SPNS3: variants seen among roughly 807,000 people sequenced by gnomAD.
SPNS3 encodes the protein SPNS lysolipid transporter 3, sphingosine-1-phosphate (putative).
In SPNS3, 51 loss-of-function variants were observed where a neutral mutation model predicts 54.4. The observed-to-expected ratio is 0.94, with a 90% CI of 0.75 to 1.18. The LOEUF is 1.18. Among genes scored for constraint, SPNS3 ranks in the 50% most tolerant of loss-of-function variants. The pLI, the probability that SPNS3 is intolerant of heterozygous loss-of-function variation, is 0.00. For missense variants in SPNS3, 669 were observed against 677.4 expected (o/e 0.99, Z 0.14); for synonymous variants, 309 against 294.7 (o/e 1.05, Z -0.50).
chr17:4,487,275 C>T (rs985489558), intron 11 of SPNS3, among the ~76,000 whole-genome samples: 1 of 151,926 alleles, frequency 6.6e-6, no homozygotes, highest in Non-Finnish European at 1.5e-5. Flanking sequence ...GGGAGTGAGC[C>T]GTTCAGCGAC....
chr17:4,487,959 G>A lies in SPNS3; in HGVS notation c.*65G>A. 1 of 1,452,504 alleles carries A rather than the reference G, an allele frequency of 6.9e-7. No homozygotes were observed. Among genetic ancestry groups the A allele is most frequent in the South Asian group, 1.2e-5 (1 of 86,700 alleles). 90.0% of individuals were successfully genotyped at this position (1,452,504 alleles called of 1,614,324 possible). On this transcript the variant is annotated 3_prime_UTR_variant, in exon 12 of 12. Coordinates refer to ENST00000355530, the MANE Select transcript of SPNS3 (RefSeq NM_182538.5). ...TGGTCCCCACAGCAGCAGTGCCTCG[G>A]TTCCTCTTTGGCTGTCCTCGGGGAC...
chr17:4,478,500 A>G, intron 8 of SPNS3, 72 bp from the exon 9 acceptor site: 1 of 1,379,912 alleles, frequency 7.2e-7, no homozygotes, highest in African/African-American at 1.4e-5. Context: ...TCCTCTCCAC[A>G]GGTGGGAAGC....
chr17:4,469,926 T>C (rs761862704), intron 8 of SPNS3, among the ~76,000 whole-genome samples: 1 of 152,144 alleles, frequency 6.6e-6, no homozygotes, highest in Non-Finnish European at 1.5e-5. Context: ...GAGAAGAAAA[T>C]AACCGTTATT....
intron 8 of SPNS3, among the ~76,000 whole-genome samples, chr17:4,473,133 G>T (rs1432818251): frequency 6.6e-6 from 1 of 151,258 alleles, no homozygotes; most frequent in Non-Finnish European, 1.5e-5. Context: ...TCTTTTCTTT[G>T]GTTAAAAAAT....
At chr17:4,487,629 G>T (rs1219893091) in intron 11 of SPNS3, among the ~76,000 whole-genome samples, 177 bp from the exon 12 acceptor site, 1 of 152,272 alleles carries the variant, frequency 6.6e-6, no homozygotes, top group Non-Finnish European at 1.5e-5. Flanking sequence ...CCTTCCAGGG[G>T]AGAGTGGTGC....
intron 2 of SPNS3, among the ~76,000 whole-genome samples, chr17:4,441,150 G>A (rs190726411): frequency 1.4e-4 from 21 of 152,310 alleles, no homozygotes; most frequent in Admixed American, 7.8e-4. Context: ...CCTTGGCAAC[G>A]ATTCAAACTT....
rs561336908 is a variant in SPNS3 at position 4,446,592 on chromosome 17, T to A, written c.555-304T>A. 23 of 530,178 alleles carry A rather than the reference T, an allele frequency of 4.3e-5. No homozygotes were observed. In the South Asian group the frequency reaches 5.3e-4, roughly 12 times the overall value. 32.8% of individuals were successfully genotyped at this position (530,178 alleles called of 1,614,324 possible). ...TCAGGACCCTGGCCTCTGACCCAGG[T>A]TTCCTGAACTTGCCTGACTCAAGCA... On this transcript the variant is annotated intron_variant, in intron 4 of 11. Transcript: ENST00000355530.
intron 5 of SPNS3, among the ~76,000 whole-genome samples, chr17:4,447,889 CTG>C (rs1240730882): frequency 1.3e-5 from 2 of 152,158 alleles, no homozygotes; most frequent in African/African-American, 4.8e-5. Context: ...CCTCAAAAGA[CTG>C]GTGTCTGTAC....
intron 8 of SPNS3, among the ~76,000 whole-genome samples, chr17:4,455,923 G>C (rs975676595): frequency 6.6e-5 from 10 of 152,176 alleles, no homozygotes; most frequent in Non-Finnish European, 1.0e-4. Flanking sequence ...TCTGTGGGGG[G>C]GGGGTGAGTG....
intron 8 of SPNS3, among the ~76,000 whole-genome samples, chr17:4,475,111 C>T (rs1467101801): frequency 6.6e-6 from 1 of 150,986 alleles, no homozygotes; most frequent in Non-Finnish European, 1.5e-5. Context: ...ATGACTAAAG[C>T]CAGGGACATT....
intron 1 of SPNS3, among the ~76,000 whole-genome samples, chr17:4,435,402 T>C (rs944369159): frequency 7.4e-5 from 11 of 149,084 alleles, no homozygotes; most frequent in African/African-American, 2.5e-4. Context: ...GATCCCACCA[T>C]TGCACTCCAG....
At chr17:4,470,171 G>C (rs968518558) in intron 8 of SPNS3, among the ~76,000 whole-genome samples, 1 of 152,190 alleles carries the variant, frequency 6.6e-6, no homozygotes, top group African/African-American at 2.4e-5. Context: ...ACTCACGCCT[G>C]TAATCCCAGC....
chr17:4,485,821 A>G (rs1045165908), intron 9 of SPNS3, among the ~76,000 whole-genome samples: 1 of 151,854 alleles, frequency 6.6e-6, no homozygotes, highest in African/African-American at 2.4e-5. Context: ...CCTCCGTACC[A>G]CCCCTGCCCA....
chr17:4,461,896 A>C (rs73323811), intron 8 of SPNS3, among the ~76,000 whole-genome samples: 22,445 of 152,018 alleles, frequency 0.15, 2,526 homozygotes, highest in African/African-American at 0.32. Context: ...TGGAGGTGTT[A>C]GTAGACAGTT....
At chr17:4,435,300 G>A (rs1366644716) in intron 1 of SPNS3, among the ~76,000 whole-genome samples, 1 of 151,582 alleles carries the variant, frequency 6.6e-6, no homozygotes, top group Non-Finnish European at 1.5e-5. Context: ...GCGGGCACCT[G>A]TAATCTCAGC....
At chr17:4,435,964 T>C (rs979825056) in intron 1 of SPNS3, among the ~76,000 whole-genome samples, 1 of 152,048 alleles carries the variant, frequency 6.6e-6, no homozygotes, top group East Asian at 1.9e-4. Flanking sequence ...AACAGCTGAT[T>C]GAGGCTCCAC....
chr17:4,436,028 T>C (rs1970710931), intron 1 of SPNS3, among the ~76,000 whole-genome samples: 1 of 151,860 alleles, frequency 6.6e-6, no homozygotes, highest in Non-Finnish European at 1.5e-5. Flanking sequence ...GCACTAACTG[T>C]GGGCAGGACC....
intron 6 of SPNS3, 90 bp downstream of exon 6, chr17:4,448,393 C>T: frequency 7.8e-7 from 1 of 1,274,854 alleles, no homozygotes; most frequent in Non-Finnish European, 1.0e-6. Context: ...CTCCAGGGAG[C>T]CCTCCCTGGT....
At chr17:4,447,336 C>G (rs909016400) in intron 5 of SPNS3, among the ~76,000 whole-genome samples, 7 of 152,182 alleles carry the variant, frequency 4.6e-5, no homozygotes, top group Non-Finnish European at 8.8e-5. Context: ...AGAGTAGGCC[C>G]TTGAGGACTG....
Sources: allele counts gnomAD v4.1 joint callset (sites outside exome capture counted in the v4.1 genomes callset), GRCh38; gene constraint gnomAD v4.1.1; transcripts MANE v1.5; gene names NCBI Gene and HGNC (gene_info 2026-07-23, HGNC 2026-07-21).